The following LSM14B variants were observed in gnomAD, a reference collection of about 807,000 sequenced individuals.
LSM14B encodes the protein LSM family member 14B, also known as protein LSM14 homolog B.
A neutral mutation model predicts 42.1 loss-of-function variants in LSM14B; 8 were observed. The ratio of observed to expected loss-of-function variants is 0.19; its 90% CI spans 0.11 to 0.34. The LOEUF (loss-of-function observed/expected upper bound fraction) is 0.34, where lower values mean the gene tolerates loss of function less well. Among genes scored for constraint, LSM14B ranks in the 10% least tolerant of loss-of-function variants. LSM14B has a pLI of 1.00. For synonymous variants in LSM14B, 219 were observed against 209.7 expected (o/e 1.04, Z -0.38); for missense variants, 396 against 513.1 (o/e 0.77, Z 2.21).
Position 62,130,441 on chromosome 20 carries a change from TGGG to T in LSM14B, c.674-86_674-84del, listed in dbSNP as rs1306432252. The T allele has an allele frequency of 6.4e-7, 1 of 1,553,202 alleles. No homozygotes were observed. The highest frequency in any genetic ancestry group is 1.7e-4 in the Middle Eastern group (1 of 5,940). On this transcript the variant is annotated intron_variant, in intron 5 of 8. Coordinates refer to ENST00000279068, the MANE Select transcript of LSM14B (RefSeq NM_144703.3). The surrounding 1 kb of genome is among the most constrained non-coding windows in gnomAD (Gnocchi z 4.1). The stretch of plus-strand genomic sequence containing the variant: ...GTGTGCTCTGTTCCTTCTGTGGCCT[TGGG>T]GGTGTGCCTGGAAATTCCTTGTGAG...
At chr20:62,133,516 T>G in intron 8 of LSM14B, 41 bp downstream of exon 8, 1 of 1,585,504 alleles carries the variant, frequency 6.3e-7, no homozygotes. Context: ...TGGGAGGGTG[T>G]AGGGTCAGGC....
chr20:62,134,204 G>A lies in LSM14B; in HGVS notation c.*56G>A. 2.1e-6 allele frequency: 1 copy of A among 470,882 alleles called. No individual in the cohort carries two copies. The highest frequency in any genetic ancestry group is 4.4e-6 in the Non-Finnish European group (1 of 226,858). 29.2% of individuals were successfully genotyped at this position (470,882 alleles called of 1,614,324 possible). A position where few individuals can be genotyped will look rare whatever the true frequency, so the allele number is the denominator to read the frequency against. Reference sequence around the variant, plus strand: ...CGCATAACTGACGCTGTGTGTGTCAGGACGCGAGGAAAACGCTGCACTTAC... The same window carrying A: ...CGCATAACTGACGCTGTGTGTGTCAAGACGCGAGGAAAACGCTGCACTTAC... On this transcript the variant is annotated 3_prime_UTR_variant, in exon 9 of 9. Transcript: ENST00000279068.
chr20:62,132,221 T>C (rs1389094486), intron 7 of LSM14B, among the ~76,000 whole-genome samples: 2 of 152,040 alleles, frequency 1.3e-5, no homozygotes, highest in East Asian at 3.8e-4. Flanking sequence ...CGATGGGAAG[T>C]GGATGATCAG....
intron 6 of LSM14B, among the ~76,000 whole-genome samples, chr20:62,131,030 T>C (rs1274527576): frequency 1.3e-5 from 2 of 152,066 alleles, no homozygotes; most frequent in East Asian, 3.9e-4. Context: ...AGCCGGGCGA[T>C]AGAGCAAGAC....
chr20:62,129,646 C>A, intron 3 of LSM14B, 139 bp from the exon 4 acceptor site: 1 of 959,982 alleles, frequency 1.0e-6, no homozygotes, highest in Non-Finnish European at 1.5e-6. Flanking sequence ...TCTGGGGGTG[C>A]TTTGCCTGGA....
Position 62,130,759 on chromosome 20 carries a change from C to G in LSM14B, c.835+68C>G, listed in dbSNP as rs975043725. On this transcript the variant is annotated intron_variant, in intron 6 of 8. Transcript: ENST00000279068. This position sits in a 1 kb window ranked among gnomAD's most constrained non-coding sequence, Gnocchi z 4.1. ...CCCTAGAGAGTGTTAGGAGGAGATGCCTGGCCGGGTGTGGTGGTTCACGCC... is the reference window on the plus strand; with the variant it reads ...CCCTAGAGAGTGTTAGGAGGAGATGGCTGGCCGGGTGTGGTGGTTCACGCC... 2.8e-5 allele frequency: 43 copies of G among 1,515,278 alleles called. No homozygotes were observed. Among genetic ancestry groups the G allele is most frequent in the Non-Finnish European group, 1.2e-5 (14 of 1,120,140 alleles). The allele number at this position is 1,515,278 out of a possible 1,614,324, so 93.9% of individuals were successfully genotyped here.
At chr20:62,132,099 AG>A (rs1277651348) in intron 7 of LSM14B, among the ~76,000 whole-genome samples, 1 of 152,226 alleles carries the variant, frequency 6.6e-6, no homozygotes, top group Admixed American at 6.5e-5. Flanking sequence ...AGGGGGCCTC[AG>A]AAGGCAGGCT....
intron 3 of LSM14B, chr20:62,127,927 C>G: frequency 1.5e-6 from 1 of 671,068 alleles, no homozygotes; most frequent in East Asian, 2.7e-5. Context: ...CTCCCTGGGT[C>G]CAGGTTCTCT....
At position 62,130,300 on chromosome 20, in the gene LSM14B, A is replaced by G. The variant is rs1181852282; in HGVS notation, c.673+4A>G. On this transcript the variant is annotated splice_donor_region_variant and intron_variant, in intron 5 of 8. Coordinates refer to ENST00000279068, the MANE Select transcript of LSM14B (RefSeq NM_144703.3). This position sits in a 1 kb window ranked among gnomAD's most constrained non-coding sequence, Gnocchi z 4.1. ...AGACCTCAGAGGAGGCGATCAGGTA[A>G]CACCTGTTGCCACTTGATTTCTGGG... 6.3e-7 allele frequency: 1 copy of G among 1,587,126 alleles called. No individual in the cohort carries two copies.
chr20:62,124,566 G>A, intron 1 of LSM14B, 51 bp from the exon 2 acceptor site: 1 of 1,585,322 alleles, frequency 6.3e-7, no homozygotes, highest in Non-Finnish European at 8.6e-7. Flanking sequence ...TGTCAGGGTT[G>A]ATTGAACTGG....
chr20:62,131,848 A>G (rs952777018), intron 7 of LSM14B, among the ~76,000 whole-genome samples: 1 of 152,220 alleles, frequency 6.6e-6, no homozygotes, highest in African/African-American at 2.4e-5. Context: ...CTGGCCTGGC[A>G]GCCTGAGGTC....
intron 3 of LSM14B, chr20:62,128,823 CAA>C: frequency 1.4e-6 from 1 of 696,500 alleles, no homozygotes; most frequent in South Asian, 1.8e-5. Flanking sequence ...TTTCTACAGT[CAA>C]TTTTTTTTTT....
intron 2 of LSM14B, among the ~76,000 whole-genome samples, chr20:62,125,491 C>T (rs2056566620): frequency 6.6e-6 from 1 of 152,200 alleles, no homozygotes; most frequent in Admixed American, 6.5e-5. Flanking sequence ...GGCTTGCCCT[C>T]GGGTTACGCC....
chr20:62,130,049 A>G lies in LSM14B; in HGVS notation c.595+97A>G. 7.1e-7 allele frequency: 1 copy of G among 1,412,728 alleles called. No individual in the cohort carries two copies. Among genetic ancestry groups the G allele is most frequent in the Non-Finnish European group, 9.4e-7 (1 of 1,062,174 alleles). The allele number at this position is 1,412,728 out of a possible 1,614,324, so 87.5% of individuals were successfully genotyped here. On this transcript the variant is annotated intron_variant, in intron 4 of 8. Transcript: ENST00000279068. This position sits in a 1 kb window ranked among gnomAD's most constrained non-coding sequence, Gnocchi z 4.1. Reference sequence around the variant, plus strand: ...TTTTTTTTTTAATTAAAAAAATACTACTCCCCCATCCTAAGCCCCATGTGC... The same window carrying G: ...TTTTTTTTTTAATTAAAAAAATACTGCTCCCCCATCCTAAGCCCCATGTGC...
intron 3 of LSM14B, 61 bp downstream of exon 3, chr20:62,126,500 G>A (rs1335524048): frequency 5.7e-6 from 9 of 1,576,416 alleles, no homozygotes; most frequent in East Asian, 2.3e-5. Flanking sequence ...TGAGTGGAGC[G>A]ATGGAGCCTG....
At chr20:62,133,025 A>G (rs932442601) in intron 7 of LSM14B, among the ~76,000 whole-genome samples, 3 of 152,138 alleles carry the variant, frequency 2.0e-5, no homozygotes, top group African/African-American at 4.8e-5. Flanking sequence ...TTGGTAGCCA[A>G]CTAGTATCAC....
Position 62,130,785 on chromosome 20 carries a change from T to G in LSM14B, c.835+94T>G. ...CTGGCCGGGTGTGGTGGTTCACGCC[T>G]GTAATCTCAGCACTTTGGGAGGCTG... On this transcript the variant is annotated intron_variant, in intron 6 of 8. Transcript: ENST00000279068. The surrounding 1 kb of genome is among the most constrained non-coding windows in gnomAD (Gnocchi z 4.1). 1 of 1,322,554 alleles carries G rather than the reference T, an allele frequency of 7.6e-7. No individual in the cohort carries two copies. Among genetic ancestry groups the G allele is most frequent in the Non-Finnish European group, 1.0e-6 (1 of 972,734 alleles). The allele number at this position is 1,322,554 out of a possible 1,614,324, so 81.9% of individuals were successfully genotyped here.
Position 62,133,443 on chromosome 20 carries a change from C to G in LSM14B, c.1140C>G (p.Ala380=). ...TTRRNPTSHR[A]GTGRV is the part of the protein sequence containing the mutation. ...GTCGCAACCCCACTTCCCACAGGGC[C>G]GGGACTGGCAGGGTGTGAGGGTGCA... Residue 380 remains alanine, a synonymous_variant, in exon 8 of 9, where the codon GCC becomes GCG. Coordinates refer to ENST00000279068, the MANE Select transcript of LSM14B (RefSeq NM_144703.3). 1.2e-6 allele frequency: 2 copies of G among 1,612,732 alleles called. No homozygotes were observed. Among genetic ancestry groups the G allele is most frequent in the South Asian group, 1.1e-5 (1 of 91,072 alleles).
rs753339473 is a variant in LSM14B, at chr20:62,129,869, C to G, written c.512C>G (p.Ala171Gly). 6.2e-7 allele frequency: 1 copy of G among 1,613,148 alleles called. No individual in the cohort carries two copies. Among genetic ancestry groups the G allele is most frequent in the East Asian group, 2.2e-5 (1 of 44,856 alleles). ...VQTGSADNLN[A>G]KKLLPGKGTT... ...ACTGGTTCTGCTGACAACCTGAATG[C>G]TAAAAAGCTGTTACCTGGCAAGGGC... Residue 171 changes from alanine (A) to glycine (G), a missense_variant, in exon 4 of 9, where the codon GCT becomes GGT. Coordinates refer to ENST00000279068, the MANE Select transcript of LSM14B (RefSeq NM_144703.3).
Sources: allele counts gnomAD v4.1 joint callset (sites outside exome capture counted in the v4.1 genomes callset), GRCh38; gene constraint gnomAD v4.1.1; non-coding constraint Gnocchi (gnomAD v3.1); transcripts MANE v1.5; gene names NCBI Gene and HGNC (gene_info 2026-07-23, HGNC 2026-07-21).